The following MACROD2 variants were observed in gnomAD, a reference collection of about 807,000 sequenced individuals.
MACROD2 encodes mono-ADP ribosylhydrolase 2, also known as ADP-ribose glycohydrolase MACROD2.
MACROD2 carries 36 observed loss-of-function variants against 70.4 expected under a neutral mutation model. The observed-to-expected ratio is 0.51, with a 90% CI of 0.39 to 0.68. The LOEUF (loss-of-function observed/expected upper bound fraction) is 0.68. Among genes scored for constraint, MACROD2 ranks in the 30% least tolerant of loss-of-function variants. The pLI is 0.00. For synonymous variants in MACROD2, 172 were observed against 178.8 expected, an observed-to-expected ratio of 0.96 and a Z score of 0.30; for missense variants, 496 against 538.4, an observed-to-expected ratio of 0.92 and a Z score of 0.78.
intron 3 of MACROD2, among the ~76,000 whole-genome samples, chr20:14,265,862 C>A (rs931216718): frequency 2.6e-5 from 4 of 151,276 alleles, no homozygotes; most frequent in African/African-American, 9.7e-5. Context: ...CTGCAAGCTC[C>A]GCCTTCCGGG....
intron 7 of MACROD2, among the ~76,000 whole-genome samples, chr20:15,482,014 A>T (rs1002170644): frequency 6.6e-6 from 1 of 152,118 alleles, no homozygotes; most frequent in Non-Finnish European, 1.5e-5. Flanking sequence ...GGAGGGAGGT[A>T]GCAAGGAATG....
intron 13 of MACROD2, 95 bp downstream of exon 13, chr20:15,967,725 A>G: frequency 9.2e-7 from 1 of 1,086,240 alleles, no homozygotes; most frequent in Non-Finnish European, 1.3e-6. Flanking sequence ...ATTTTTCTGG[A>G]AAAATATTGA....
At chr20:14,515,519 T>TA (rs532456840) in intron 4 of MACROD2, among the ~76,000 whole-genome samples, 3 of 145,654 alleles carry the variant, frequency 2.1e-5, no homozygotes, top group Middle Eastern at 3.5e-3. Flanking sequence ...TATACACCCT[T>TA]AAAAAAGAAG....
At chr20:14,185,162 C>A (rs1169848859) in intron 3 of MACROD2, among the ~76,000 whole-genome samples, 2 of 152,058 alleles carry the variant, frequency 1.3e-5, no homozygotes, top group African/African-American at 4.8e-5. Flanking sequence ...AAGAATCTAG[C>A]ATTTACCCCC....
chr20:15,864,184 G>C (rs150830805), intron 9 of MACROD2, among the ~76,000 whole-genome samples: 2 of 151,634 alleles, frequency 1.3e-5, no homozygotes, highest in African/African-American at 4.8e-5. Context: ...GTTGAGACGA[G>C]TTGAATTAAA....
intron 2 of MACROD2, among the ~76,000 whole-genome samples, chr20:14,032,532 C>T (rs946377023): frequency 2.0e-5 from 3 of 152,096 alleles, no homozygotes; most frequent in African/African-American, 7.2e-5. Context: ...TTACTATTTG[C>T]ATTTCTTAAC....
At chr20:15,380,189 C>G (rs995440169) in intron 6 of MACROD2, among the ~76,000 whole-genome samples, 73 of 146,180 alleles carry the variant, frequency 5.0e-4, no homozygotes, top group African/African-American at 1.9e-3. Context: ...TTTAAAAAAA[C>G]CCTCAGCACA....
chr20:15,314,098 A>C (rs531390871), intron 6 of MACROD2, among the ~76,000 whole-genome samples: 6 of 152,212 alleles, frequency 3.9e-5, no homozygotes, highest in Non-Finnish European at 7.3e-5. Flanking sequence ...AGTTTTACCC[A>C]GTGTCCTGTT....
chr20:15,075,676 A>G (rs970348275), intron 5 of MACROD2, among the ~76,000 whole-genome samples: 1 of 152,148 alleles, frequency 6.6e-6, no homozygotes, highest in Non-Finnish European at 1.5e-5. Flanking sequence ...TGCCCTGAGT[A>G]AACTCCTCCT....
At chr20:15,299,014 C>T (rs1000692351) in intron 6 of MACROD2, among the ~76,000 whole-genome samples, 5 of 152,174 alleles carry the variant, frequency 3.3e-5, no homozygotes, top group Non-Finnish European at 7.4e-5. Context: ...ACCCATTATA[C>T]ACCACCACCA....
At chr20:14,533,237 T>A (rs2085327265) in intron 4 of MACROD2, among the ~76,000 whole-genome samples, 1 of 152,250 alleles carries the variant, frequency 6.6e-6, no homozygotes, top group African/African-American at 2.4e-5. Flanking sequence ...TTATTTCTGC[T>A]TTCTTTAGCA....
chr20:15,145,753 TA>T (rs1447506134), intron 5 of MACROD2, among the ~76,000 whole-genome samples: 2 of 152,152 alleles, frequency 1.3e-5, no homozygotes, highest in African/African-American at 2.4e-5. Context: ...ATTTTTAATT[TA>T]AAAAAATTTT....
At chr20:15,744,438 T>A (rs559252576) in intron 8 of MACROD2, among the ~76,000 whole-genome samples, 38 of 152,314 alleles carry the variant, frequency 2.5e-4, no homozygotes, top group African/African-American at 8.9e-4. Flanking sequence ...GGTACTAAGC[T>A]TACTGCATAA....
intron 5 of MACROD2, among the ~76,000 whole-genome samples, chr20:15,064,231 T>G (rs935927667): frequency 6.6e-6 from 1 of 152,036 alleles, no homozygotes; most frequent in Non-Finnish European, 1.5e-5. Context: ...AAAATGACCT[T>G]CTCCAGCTCA....
At chr20:15,462,346 T>C (rs967404346) in intron 7 of MACROD2, among the ~76,000 whole-genome samples, 1 of 152,228 alleles carries the variant, frequency 6.6e-6, no homozygotes, top group Non-Finnish European at 1.5e-5. Flanking sequence ...TTGTGTTTGC[T>C]CTTGTCTGTA....
rs188115065 is a variant in MACROD2 at position 15,797,119 on chromosome 20, T to A, written c.646-65626T>A. Among the ~76,000 whole-genome samples the A allele has an allele frequency of 1.9e-3, 287 of 152,150 alleles. 3 individuals are homozygous for A. The highest frequency in any genetic ancestry group is 6.1e-3 in the African/African-American group (255 of 41,516). On this transcript the variant is annotated intron_variant, in intron 8 of 17. Coordinates refer to ENST00000684519, the MANE Select transcript of MACROD2 (RefSeq NM_001351661.2). ...GTTCTTTTTTTGTTTGTTTGTTTGT[T>A]TGTTTTGTTTTTGAGATGGAGTCTC...
chr20:14,967,984 G>A (rs2074654097), intron 5 of MACROD2, among the ~76,000 whole-genome samples: 2 of 152,038 alleles, frequency 1.3e-5, no homozygotes. Context: ...AAGGGTATAG[G>A]ACAGTTATTA....
chr20:15,448,311 T>C (rs994722071), intron 7 of MACROD2, among the ~76,000 whole-genome samples: 4 of 152,124 alleles, frequency 2.6e-5, no homozygotes, highest in Non-Finnish European at 4.4e-5. Context: ...GCAGAACTCT[T>C]ACTGCCCATC....
At chr20:14,876,415 G>A (rs2073551974) in intron 5 of MACROD2, among the ~76,000 whole-genome samples, 1 of 152,048 alleles carries the variant, frequency 6.6e-6, no homozygotes, top group Non-Finnish European at 1.5e-5. Context: ...CATTCTGTAG[G>A]TTGTCTGTTT....
Sources: gnomAD v4.1 joint callset for allele counts (sites outside exome capture counted in the v4.1 genomes callset) on GRCh38, gnomAD v4.1.1 for gene constraint, MANE v1.5 for transcripts, NCBI Gene and HGNC (gene_info 2026-07-23, HGNC 2026-07-21) for gene names.